The following CFAP20DC variants were observed in gnomAD, a reference collection of about 807,000 sequenced individuals.
CFAP20DC encodes CFAP20 domain containing.
CFAP20DC carries 84 observed loss-of-function variants against 101.7 expected under a neutral mutation model. The observed-to-expected ratio is 0.83, with a 90% CI of 0.69 to 0.99. CFAP20DC has a LOEUF of 0.99. Among genes scored for constraint, CFAP20DC ranks in the 50% least tolerant of loss-of-function variants. CFAP20DC has a pLI of 0.00. For synonymous variants in CFAP20DC, 359 were observed against 351.2 expected, an observed-to-expected ratio of 1.02 and a Z score of -0.25; for missense variants, 1,007 against 970.3, an observed-to-expected ratio of 1.04 and a Z score of -0.50.
chr3:58,815,510 G>A (rs930136591), intron 14 of CFAP20DC, among the ~76,000 whole-genome samples: 1 of 150,482 alleles, frequency 6.6e-6, no homozygotes, highest in African/African-American at 2.5e-5. Context: ...TGACAAATGG[G>A]ATCTAATTAA....
chr3:58,802,266 T>G (rs992597457), intron 15 of CFAP20DC, among the ~76,000 whole-genome samples: 3 of 152,240 alleles, frequency 2.0e-5, no homozygotes, highest in Non-Finnish European at 4.4e-5. Flanking sequence ...TTAAAATAAA[T>G]GACTTGAAGC....
At chr3:58,978,449 C>T (rs1374551614) in intron 4 of CFAP20DC, among the ~76,000 whole-genome samples, 1 of 152,108 alleles carries the variant, frequency 6.6e-6, no homozygotes, top group African/African-American at 2.4e-5. Flanking sequence ...TGGCTCACAC[C>T]TCTAATCCCA....
chr3:58,746,321 T>C (rs1208255210), intron 16 of CFAP20DC, among the ~76,000 whole-genome samples: 1 of 152,168 alleles, frequency 6.6e-6, no homozygotes, highest in African/African-American at 2.4e-5. Flanking sequence ...TTGGATTCTG[T>C]CTTACTCCAT....
At chr3:58,956,933 C>T (rs920587598) in intron 4 of CFAP20DC, among the ~76,000 whole-genome samples, 3 of 152,166 alleles carry the variant, frequency 2.0e-5, no homozygotes, top group Admixed American at 2.0e-4. Flanking sequence ...GGGGAAACCA[C>T]ACCCATGATC....
chr3:58,848,565 C>G (rs1311782144), intron 13 of CFAP20DC, among the ~76,000 whole-genome samples: 2 of 152,128 alleles, frequency 1.3e-5, no homozygotes, highest in Non-Finnish European at 2.9e-5. Context: ...TTCGATGACA[C>G]TGTTTTAATG....
At chr3:58,975,040 T>C (rs531637610) in intron 4 of CFAP20DC, among the ~76,000 whole-genome samples, 2 of 152,248 alleles carry the variant, frequency 1.3e-5, no homozygotes, top group African/African-American at 2.4e-5. Context: ...AGTTTCTTTA[T>C]CCAGTAGGTG....
chr3:58,807,343 C>T (rs751835695), intron 14 of CFAP20DC, among the ~76,000 whole-genome samples: 6 of 152,126 alleles, frequency 3.9e-5, no homozygotes, highest in African/African-American at 7.2e-5. Context: ...ACACTTCACA[C>T]GGGCGGGTAC....
At chr3:58,750,653 G>C (rs755065814) in intron 16 of CFAP20DC, among the ~76,000 whole-genome samples, 6 of 152,194 alleles carry the variant, frequency 3.9e-5, no homozygotes, top group Non-Finnish European at 8.8e-5. Context: ...CTGGGCATTT[G>C]ATCTTGGTCA....
At chr3:58,953,789 G>A (rs2090373159) in intron 4 of CFAP20DC, 1 of 152,042 alleles carries the variant, frequency 6.6e-6, no homozygotes, top group African/African-American at 2.4e-5. Flanking sequence ...TGTAATACAG[G>A]CTTGATTTTC....
chr3:59,033,544 C>T (rs1418657392), intron 4 of CFAP20DC, among the ~76,000 whole-genome samples: 2 of 151,926 alleles, frequency 1.3e-5, no homozygotes, highest in African/African-American at 4.8e-5. Flanking sequence ...ACAAGAATTT[C>T]GTGAAGCGTA....
rs2079251523 is a variant in CFAP20DC at position 58,861,575 on chromosome 3, A to G, written c.1593+1983T>C. Reference sequence around the variant, plus strand: ...CCAATTTTGTTAAGAAGGTATCATTACACATGCTAAAACTTGTTTAAATAT... The same window carrying G: ...CCAATTTTGTTAAGAAGGTATCATTGCACATGCTAAAACTTGTTTAAATAT... On this transcript the variant is annotated intron_variant, in intron 12 of 16. Coordinates refer to ENST00000482387, the MANE Select transcript of CFAP20DC (RefSeq NM_001394063.1). This position sits in a 1 kb window ranked among gnomAD's most constrained non-coding sequence, Gnocchi z 4.0. 10 of 984,926 alleles carry G rather than the reference A, an allele frequency of 1.0e-5. No individual in the cohort carries two copies. Among genetic ancestry groups the G allele is most frequent in the Admixed American group, 6.1e-5 (1 of 16,270 alleles). 61.0% of individuals were successfully genotyped at this position (984,926 alleles called of 1,614,324 possible). A position where few individuals can be genotyped will look rare whatever the true frequency, so the allele number is the denominator to read the frequency against.
At chr3:58,781,726 T>C (rs1481219278) in intron 15 of CFAP20DC, among the ~76,000 whole-genome samples, 1 of 151,986 alleles carries the variant, frequency 6.6e-6, no homozygotes, top group African/African-American at 2.4e-5. Context: ...ACTATCAAGA[T>C]TAAATCAAGA....
chr3:58,977,545 C>G (rs2108452262), intron 4 of CFAP20DC, among the ~76,000 whole-genome samples: 1 of 152,270 alleles, frequency 6.6e-6, no homozygotes, highest in Admixed American at 6.5e-5. Flanking sequence ...GCTGGCATAT[C>G]TGACAGGCAA....
intron 7 of CFAP20DC, among the ~76,000 whole-genome samples, chr3:58,871,528 TTTC>T (rs1023959467): frequency 6.6e-6 from 1 of 151,380 alleles, no homozygotes. Flanking sequence ...AATTCCGACT[TTTC>T]TTTTTTTTTT....
rs534690718 is a variant in CFAP20DC at position 58,772,252 on chromosome 3, G to A, written c.2238-18389C>T. 3.0e-3 allele frequency among the ~76,000 whole-genome samples: 461 copies of A among 152,232 alleles called. 4 individuals carry two copies. In the South Asian group the frequency reaches 0.036, roughly 12 times the overall value. ...TGTCTTTGTGCCCAACACTGTGTTG[G>A]ATATGTAAGGATACTGAACAATTAC... On this transcript the variant is annotated intron_variant, in intron 15 of 16. Coordinates refer to ENST00000482387, the MANE Select transcript of CFAP20DC (RefSeq NM_001394063.1).
rs2082790375 is a variant in CFAP20DC, at chr3:58,897,791, C to T, written c.551-13082G>A. ...TCCCTTTGTATGCGAACTGGCCTTG[C>T]CCTCTGGCTGCCCTTAACATTTTCT... On this transcript the variant is annotated intron_variant, in intron 6 of 16. Coordinates refer to ENST00000482387, the MANE Select transcript of CFAP20DC (RefSeq NM_001394063.1). This position sits in a 1 kb window ranked among gnomAD's most constrained non-coding sequence, Gnocchi z 4.4. Among the ~76,000 whole-genome samples, 2 of 152,188 alleles carry T rather than the reference C, an allele frequency of 1.3e-5. No homozygotes were observed. The highest frequency in any genetic ancestry group is 1.3e-4 in the Admixed American group (2 of 15,284).
rs944897387 is a variant in CFAP20DC at position 58,768,369 on chromosome 3, G to A, written c.2238-14506C>T. ...GGAATGAAACAGTATTGGCACCACT[G>A]AATTAATTGGAAAACTGGGAAGAGG... On this transcript the variant is annotated intron_variant, in intron 15 of 16. Coordinates refer to ENST00000482387, the MANE Select transcript of CFAP20DC (RefSeq NM_001394063.1). Among the ~76,000 whole-genome samples, 3 of 152,136 alleles carry A rather than the reference G, an allele frequency of 2.0e-5. No homozygotes were observed. The East Asian group carries it at 5.8e-4, about 29-fold the overall frequency.
chr3:58,817,740 C>T (rs571047503), intron 14 of CFAP20DC, among the ~76,000 whole-genome samples: 2 of 151,878 alleles, frequency 1.3e-5, no homozygotes, highest in South Asian at 2.1e-4. Flanking sequence ...AGGAGAACTT[C>T]CCCAATCTAG....
chr3:58,877,563 G>A (rs960927901), intron 7 of CFAP20DC, among the ~76,000 whole-genome samples: 1 of 152,194 alleles, frequency 6.6e-6, no homozygotes, highest in African/African-American at 2.4e-5. Flanking sequence ...ACTGAGGCTT[G>A]CAATGTTTAG....
Sources: gnomAD v4.1 joint callset for allele counts (sites outside exome capture counted in the v4.1 genomes callset) on GRCh38, gnomAD v4.1.1 for gene constraint, Gnocchi (gnomAD v3.1) non-coding constraint, MANE v1.5 for transcripts, NCBI Gene and HGNC (gene_info 2026-07-23, HGNC 2026-07-21) for gene names.